The following CA10 variants were observed in gnomAD, a reference collection of about 807,000 sequenced individuals.
CA10 encodes the protein carbonic anhydrase 10 (inactive).
Under a neutral mutation model 44.2 loss-of-function variants are expected in CA10, and 14 were observed. The ratio of observed to expected loss-of-function variants is 0.32; its 90% confidence interval spans 0.21 to 0.50. The LOEUF is 0.50. Among genes scored for constraint, CA10 ranks in the 20% least tolerant of loss-of-function variants. CA10 has a pLI of 0.99. For synonymous variants in CA10, 159 were observed against 141.6 expected (o/e 1.12, Z -0.87); for missense variants, 350 against 409.7 (o/e 0.85, Z 1.26).
intron 2 of CA10, among the ~76,000 whole-genome samples, chr17:51,980,687 T>A (rs1984624233): frequency 6.6e-6 from 1 of 152,118 alleles, no homozygotes; most frequent in Admixed American, 6.6e-5. Flanking sequence ...CTTGAGTTGG[T>A]TTTTGTATAT....
chr17:51,971,342 C>A (rs760293717), intron 2 of CA10, among the ~76,000 whole-genome samples: 12 of 152,068 alleles, frequency 7.9e-5, no homozygotes, highest in Non-Finnish European at 1.5e-4. Context: ...CCAGAAATTT[C>A]TTTCATAAGA....
At position 51,666,127 on chromosome 17, in the gene CA10, A is replaced by G. The variant is rs145619172; in HGVS notation, c.466-12391T>C. On this transcript the variant is annotated intron_variant, in intron 4 of 8. Transcript: ENST00000451037. ...ACCTTCACTCATTGATTCTTCCAAC[A>G]AACCCGTATGTGTTTCCCATGTGCC... is the stretch of plus-strand genomic sequence containing the variant. Among the ~76,000 whole-genome samples the G allele has an allele frequency of 1.6e-3, 240 of 152,358 alleles. 1 individual carries two copies. Among genetic ancestry groups the G allele is most frequent in the African/African-American group, 5.7e-3 (235 of 41,586 alleles).
intron 4 of CA10, among the ~76,000 whole-genome samples, chr17:51,711,260 A>G (rs1915935214): frequency 6.6e-6 from 1 of 151,906 alleles, no homozygotes; most frequent in Non-Finnish European, 1.5e-5. Context: ...AAAACTCATG[A>G]CTCCTATCAG....
intron 2 of CA10, among the ~76,000 whole-genome samples, chr17:51,985,082 A>T (rs1984783078): frequency 6.6e-6 from 1 of 152,046 alleles, no homozygotes. Context: ...CTACGGACTG[A>T]TATCCTTGAT....
intron 3 of CA10, among the ~76,000 whole-genome samples, chr17:51,788,768 A>T (rs1047152737): frequency 6.6e-6 from 1 of 152,176 alleles, no homozygotes; most frequent in South Asian, 2.1e-4. Context: ...ATAGACACAG[A>T]TTAAAGTCCT....
At chr17:52,008,361 A>G (rs554534733) in intron 2 of CA10, among the ~76,000 whole-genome samples, 2 of 151,884 alleles carry the variant, frequency 1.3e-5, no homozygotes, top group Non-Finnish European at 1.5e-5. Flanking sequence ...AGATAAAAAC[A>G]TAAGAACTAT....
In CA10 at chr17:51,846,725, C is replaced by G. The variant is rs902301151; in HGVS notation, c.279+84265G>C. On this transcript the variant is annotated intron_variant, in intron 3 of 8. Transcript: ENST00000451037. ...AAATGACATGAGGCAGAATTTCAAG[C>G]CTTTTAAGCAAATCATGCAAGTCTA... 2.0e-5 allele frequency among the ~76,000 whole-genome samples: 3 copies of G among 152,204 alleles called. No individual in the cohort carries two copies. In the East Asian group the frequency reaches 5.8e-4, roughly 29 times the overall value.
chr17:51,814,658 G>A (rs116905296), intron 3 of CA10, among the ~76,000 whole-genome samples: 241 of 152,292 alleles, frequency 1.6e-3, no homozygotes, highest in Non-Finnish European at 2.8e-3. Flanking sequence ...GGAACCCTTA[G>A]TATAATCAAG....
At chr17:52,048,051 A>T (rs557879467) in intron 2 of CA10, among the ~76,000 whole-genome samples, 1,618 of 151,860 alleles carry the variant, frequency 0.011, 16 homozygotes, top group African/African-American at 0.015. Flanking sequence ...AATTAAAAAA[A>T]AAAAAAACAT....
intron 8 of CA10, among the ~76,000 whole-genome samples, chr17:51,632,057 C>T (rs1912605164): frequency 6.6e-6 from 1 of 152,164 alleles, no homozygotes; most frequent in South Asian, 2.1e-4. Flanking sequence ...CAGCACAATA[C>T]CTGTTTTTAT....
chr17:51,762,298 T>C (rs1027907984), intron 3 of CA10: 1 of 151,686 alleles, frequency 6.6e-6, no homozygotes, highest in Non-Finnish European at 1.5e-5. Flanking sequence ...CCTGGAGGAG[T>C]AGGCATTTGA....
intron 4 of CA10, among the ~76,000 whole-genome samples, chr17:51,732,702 C>T (rs571760993): frequency 7.9e-5 from 12 of 152,188 alleles, no homozygotes; most frequent in Middle Eastern, 3.4e-3. Flanking sequence ...CAGATCCTCT[C>T]GGGGAAAACC....
chr17:51,833,056 C>G (rs1908341053), intron 3 of CA10, among the ~76,000 whole-genome samples: 1 of 152,254 alleles, frequency 6.6e-6, no homozygotes, highest in Middle Eastern at 3.4e-3. Flanking sequence ...GATGGAGAGG[C>G]CCTTCCAGCT....
chr17:51,896,659 A>G (rs1981080440), intron 3 of CA10, among the ~76,000 whole-genome samples: 1 of 152,066 alleles, frequency 6.6e-6, no homozygotes, highest in Admixed American at 6.6e-5. Flanking sequence ...AGAAACTGTC[A>G]AACTGTTTCC....
chr17:51,736,320 A>G (rs992303234), intron 4 of CA10, among the ~76,000 whole-genome samples: 1 of 152,194 alleles, frequency 6.6e-6, no homozygotes, highest in African/African-American at 2.4e-5. Context: ...AGCCCTAGAG[A>G]GGCAGCTGCA....
At chr17:51,760,396 C>A (rs1905186967) in intron 3 of CA10, among the ~76,000 whole-genome samples, 1 of 152,168 alleles carries the variant, frequency 6.6e-6, no homozygotes, top group African/African-American at 2.4e-5. Flanking sequence ...CTGAAGACAG[C>A]CACAGTGGTC....
intron 2 of CA10, among the ~76,000 whole-genome samples, chr17:52,041,254 G>C (rs1275748951): frequency 6.6e-6 from 1 of 151,942 alleles, no homozygotes; most frequent in Non-Finnish European, 1.5e-5. Flanking sequence ...AAAGAAGCAA[G>C]AAAAGATAAC....
intron 3 of CA10, among the ~76,000 whole-genome samples, chr17:51,806,636 G>T (rs1907149409): frequency 6.6e-6 from 1 of 152,226 alleles, no homozygotes; most frequent in Admixed American, 6.5e-5. Flanking sequence ...TGAATTGAAT[G>T]ATGCATCTCT....
At chr17:51,765,690 C>CGTGTGTGTGTGTGTGT (rs1567832322) in intron 3 of CA10, among the ~76,000 whole-genome samples, 1 of 90,904 alleles carries the variant, frequency 1.1e-5, no homozygotes, top group Non-Finnish European at 2.4e-5. Flanking sequence ...CAGGCAGCTC[C>CGTGTGTGTGTGTGTGT]CTGTGTGTGT....
Sources: gnomAD v4.1 joint callset for allele counts (sites outside exome capture counted in the v4.1 genomes callset) on GRCh38, gnomAD v4.1.1 for gene constraint, MANE v1.5 for transcripts, NCBI Gene and HGNC (gene_info 2026-07-23, HGNC 2026-07-21) for gene names.